DUSP8: variants seen among roughly 807,000 people sequenced by gnomAD.
DUSP8 encodes dual specificity protein phosphatase 8.
A neutral mutation model predicts 38.7 loss-of-function variants in DUSP8; 15 were observed. That is an observed-to-expected ratio of 0.39 (90% CI 0.26 to 0.60). The LOEUF (loss-of-function observed/expected upper bound fraction) is 0.60. Among genes scored for constraint, DUSP8 ranks in the 20% least tolerant of loss-of-function variants. The probability of loss-of-function intolerance (pLI) is 0.56; values close to 1 mark genes in which losing one functional copy is unlikely to be tolerated. For missense variants in DUSP8, 768 were observed against 915.0 expected, an observed-to-expected ratio of 0.84 and a Z score of 2.07; for synonymous variants, 458 against 433.9, an observed-to-expected ratio of 1.06 and a Z score of -0.69.
rs1848787830 is a variant in DUSP8 at position 1,565,534 on chromosome 11, G to T, written c.231+62C>A. ...AGAGGAGGGGGGTGCTGCCCGAGCT[G>T]AGGGCCCCTTAGCTGTGGACCCTGG... On this transcript the variant is annotated intron_variant, in intron 2 of 6. Transcript: ENST00000397374. The T allele has an allele frequency of 3.0e-6, 4 of 1,343,222 alleles. No homozygotes were observed. In the South Asian group the frequency reaches 3.9e-5, roughly 13 times the overall value. The allele number at this position is 1,343,222 out of a possible 1,614,324, so 83.2% of individuals were successfully genotyped here.
intron 2 of DUSP8, among the ~76,000 whole-genome samples, chr11:1,564,407 G>A (rs770519897): frequency 6.6e-6 from 1 of 152,230 alleles, no homozygotes; most frequent in Non-Finnish European, 1.5e-5. Flanking sequence ...ATGCCTTCGG[G>A]TGTGGGCTCT....
chr11:1,562,473 C>T (rs757272020), intron 3 of DUSP8, among the ~76,000 whole-genome samples: 12 of 152,170 alleles, frequency 7.9e-5, no homozygotes, highest in Admixed American at 7.9e-4. Flanking sequence ...GATCAGAGTG[C>T]GTCATTCTGT....
At chr11:1,564,069 G>T (rs1042212535) in intron 2 of DUSP8, 80 bp from the exon 3 acceptor site, 3 of 1,361,734 alleles carry the variant, frequency 2.2e-6, no homozygotes, top group Admixed American at 6.9e-5. Flanking sequence ...GCTGGCTCAA[G>T]GGAATAGTAA....
intron 1 of DUSP8, among the ~76,000 whole-genome samples, chr11:1,567,795 G>A (rs1164495914): frequency 2.6e-5 from 4 of 152,216 alleles, no homozygotes; most frequent in East Asian, 1.9e-4. Flanking sequence ...GGTGGGGAAC[G>A]AGGCCTGGGA....
Position 1,558,868 on chromosome 11 carries a change from C to G in DUSP8, c.537+21G>C, listed in dbSNP as rs776811249. On this transcript the variant is annotated intron_variant, in intron 4 of 6. Transcript: ENST00000397374. The surrounding 1 kb of genome is among the most constrained non-coding windows in gnomAD (Gnocchi z 6.3). ...TGCCCCTTTCCCATTGACCACCCCC[C>G]GAACTCCACTGCACACACACCTTGT... 7.6e-6 allele frequency: 12 copies of G among 1,583,816 alleles called. No individual in the cohort carries two copies. Among genetic ancestry groups the G allele is most frequent in the South Asian group, 2.3e-5 (2 of 88,776 alleles).
In DUSP8 at chr11:1,557,434, G is replaced by A. The variant is rs757936636; in HGVS notation, c.962C>T (p.Pro321Leu). Residue 321 changes from proline to leucine, a missense_variant, in exon 7 of 7, where the codon CCC (proline) becomes CTC (leucine). Physicochemically the swap from Pro to Leu is moderately conservative, Grantham distance 98. Coordinates refer to ENST00000397374, the MANE Select transcript of DUSP8 (RefSeq NM_004420.3). This position sits in a 1 kb window ranked among gnomAD's most constrained non-coding sequence, Gnocchi z 9.9. ...GTPSGTPEPP[P>L]SPAAGAPLPR... The stretch of plus-strand genomic sequence containing the variant: ...CAGCGGGGCCCCGGCGGCAGGACTG[G>A]GCGGAGGCTCCGGCGTCCCTGAGGG... The A allele has an allele frequency of 1.9e-6, 3 of 1,566,740 alleles. No homozygotes were observed. Among genetic ancestry groups the A allele is most frequent in the East Asian group, 2.3e-5 (1 of 43,184 alleles).
In DUSP8 at chr11:1,563,978, C is replaced by T. The variant is rs750795908; in HGVS notation, c.243G>A (p.Thr81=). The T allele has an allele frequency of 1.3e-5, 19 of 1,491,086 alleles. No individual in the cohort carries two copies. Among genetic ancestry groups the T allele is most frequent in the African/African-American group, 5.6e-5 (4 of 71,300 alleles). The allele number at this position is 1,491,086 out of a possible 1,614,324, so 92.4% of individuals were successfully genotyped here. A position where few individuals can be genotyped will look rare whatever the true frequency, so the allele number is the denominator to read the frequency against. Reference sequence around the variant, plus strand: ...CATAGACCACCACGTCCTGTGGCTCCGTAGCCTCCACCTGGGGGCCATGGG... The same window carrying T: ...CATAGACCACCACGTCCTGTGGCTCTGTAGCCTCCACCTGGGGGCCATGGG... ...QPAARSQVEA[T]EPQDVVVYDQ... The change falls in exon 3 of 7, where the codon ACG becomes ACA. Residue 81 remains threonine, a synonymous_variant. Coordinates refer to ENST00000397374, the MANE Select transcript of DUSP8 (RefSeq NM_004420.3).
chr11:1,554,491 G>T lies in DUSP8; in HGVS notation c.*2027C>A. The T allele has an allele frequency of 3.8e-6, 1 of 265,110 alleles. No homozygotes were observed. The allele number at this position is 265,110 out of a possible 1,614,324, so 16.4% of individuals were successfully genotyped here. A position where few individuals can be genotyped will look rare whatever the true frequency, so the allele number is the denominator to read the frequency against. On this transcript the variant is annotated 3_prime_UTR_variant, in exon 7 of 7. Coordinates refer to ENST00000397374, the MANE Select transcript of DUSP8 (RefSeq NM_004420.3). ...GTGGGGCCTCAGCCCGCCTCCTGCA[G>T]CACTGGAGGAGGCAGTGGCCAACAC...
rs553065358 is a variant in DUSP8 at position 1,569,339 on chromosome 11, C to G, written c.-109+2562G>C. Among the ~76,000 whole-genome samples the G allele has an allele frequency of 1.8e-4, 28 of 152,288 alleles. 1 individual carries two copies. The South Asian group carries it at 5.8e-3, about 32-fold the overall frequency. On this transcript the variant is annotated intron_variant, in intron 1 of 6. Coordinates refer to ENST00000397374, the MANE Select transcript of DUSP8 (RefSeq NM_004420.3). ...CGCCACCCTCCCCTGGGACACAGCA[C>G]GCCTGGCTCCAGTGCTGCGTGCACA...
chr11:1,556,891 G>A lies in DUSP8; in HGVS notation c.1505C>T (p.Pro502Leu), dbSNP rs933535334. The change falls in exon 7 of 7, where the codon CCG becomes CTG. Residue 502 changes from proline (P) to leucine (L), a missense_variant. Transcript: ENST00000397374. The surrounding 1 kb of genome is among the most constrained non-coding windows in gnomAD (Gnocchi z 5.2). ...SAPGLPGPGQPAGPGAWAPPL... is the reference protein window; with the variant it reads ...SAPGLPGPGQLAGPGAWAPPL... ...CGGTGCCCAGGCCCCGGGGCCGGCC[G>A]GCTGGCCAGGGCCGGGCAGCCCGGG... 1.1e-4 allele frequency: 125 copies of A among 1,093,206 alleles called. 1 individual carries two copies. The highest frequency in any genetic ancestry group is 8.0e-4 in the Middle Eastern group (2 of 2,500). The allele number at this position is 1,093,206 out of a possible 1,614,324, so 67.7% of individuals were successfully genotyped here.
intron 3 of DUSP8, among the ~76,000 whole-genome samples, chr11:1,562,594 C>T (rs181333010): frequency 8.5e-5 from 13 of 152,306 alleles, no homozygotes; most frequent in Non-Finnish European, 1.5e-4. Flanking sequence ...CATGCATATA[C>T]ACGTGCACAC....
chr11:1,565,098 G>A (rs1196988710), intron 2 of DUSP8, among the ~76,000 whole-genome samples: 3 of 152,212 alleles, frequency 2.0e-5, no homozygotes, highest in Admixed American at 2.0e-4. Flanking sequence ...TCTGCGGGCT[G>A]GGGGAAGCTG....
intron 1 of DUSP8, among the ~76,000 whole-genome samples, chr11:1,570,020 C>T (rs1181516598): frequency 6.6e-6 from 1 of 152,208 alleles, no homozygotes; most frequent in African/African-American, 2.4e-5. Context: ...GCTCCCTTGG[C>T]TAGTGCTGTA....
At chr11:1,569,237 C>T (rs1218259097) in intron 1 of DUSP8, among the ~76,000 whole-genome samples, 1 of 152,110 alleles carries the variant, frequency 6.6e-6, no homozygotes, top group African/African-American at 2.4e-5. Context: ...GTCTTTGAGC[C>T]CAGGAGGAAG....
In DUSP8 at chr11:1,556,411, T is replaced by C; in HGVS notation, c.*107A>G. The C allele has an allele frequency of 8.2e-7, 1 of 1,216,814 alleles. No individual in the cohort carries two copies. The highest frequency in any genetic ancestry group is 1.0e-6 in the Non-Finnish European group (1 of 975,044). The allele number at this position is 1,216,814 out of a possible 1,614,324, so 75.4% of individuals were successfully genotyped here. Reference sequence around the variant, plus strand: ...TAAATAAAAAATCGAAATATTTACTTCTCGATAAAAATCCCAGTAAAACCA... The same window carrying C: ...TAAATAAAAAATCGAAATATTTACTCCTCGATAAAAATCCCAGTAAAACCA... On this transcript the variant is annotated 3_prime_UTR_variant, in exon 7 of 7. Transcript: ENST00000397374. This position sits in a 1 kb window ranked among gnomAD's most constrained non-coding sequence, Gnocchi z 5.2.
upstream of DUSP8, among the ~76,000 whole-genome samples, chr11:1,572,318 T>A (rs945363305): frequency 5.5e-5 from 8 of 146,094 alleles, no homozygotes; most frequent in African/African-American, 1.3e-4. This position sits in a 1 kb window ranked among gnomAD's most constrained non-coding sequence, Gnocchi z 4.7. Flanking sequence ...GATGAGGTCA[T>A]GCCGAGCGAA....
Position 1,565,873 on chromosome 11 carries a change from G to A in DUSP8, c.-47C>T, listed in dbSNP as rs1848795537. 1 of 1,534,884 alleles carries A rather than the reference G, an allele frequency of 6.5e-7. No homozygotes were observed. Among genetic ancestry groups the A allele is most frequent in the Non-Finnish European group, 9.0e-7 (1 of 1,114,156 alleles). The stretch of plus-strand genomic sequence containing the variant: ...GAGGGTGACCCCTGAAGTGAGGAGG[G>A]GCTGCTCCGACGGCCCAGGTGTGGC... On this transcript the variant is annotated 5_prime_UTR_variant, in exon 2 of 7. Transcript: ENST00000397374.
Position 1,558,862 on chromosome 11 carries a change from A to AC in DUSP8, c.537+26dup, listed in dbSNP as rs757890252. 4 of 1,567,110 alleles carry AC rather than the reference A, an allele frequency of 2.6e-6. No homozygotes were observed. Among genetic ancestry groups the AC allele is most frequent in the Non-Finnish European group, 1.7e-6 (2 of 1,153,142 alleles). ...AGCTCCTGCCCCTTTCCCATTGACC[A>AC]CCCCCCGAACTCCACTGCACACACA... On this transcript the variant is annotated intron_variant, in intron 4 of 6. Coordinates refer to ENST00000397374, the MANE Select transcript of DUSP8 (RefSeq NM_004420.3). The surrounding 1 kb of genome is among the most constrained non-coding windows in gnomAD (Gnocchi z 6.3).
chr11:1,558,928 A>C lies in DUSP8; in HGVS notation c.498T>G (p.Pro166=), dbSNP rs1325665828. 3.1e-6 allele frequency: 5 copies of C among 1,612,832 alleles called. No homozygotes were observed. In the South Asian group the frequency reaches 5.5e-5, roughly 18 times the overall value. Residue 166 remains proline (P), a synonymous_variant, in exon 4 of 7, where the codon CCT becomes CCG. Coordinates refer to ENST00000397374, the MANE Select transcript of DUSP8 (RefSeq NM_004420.3). This position sits in a 1 kb window ranked among gnomAD's most constrained non-coding sequence, Gnocchi z 6.3. The part of the protein sequence containing the change: ...VPSVGLTRIL[P]HLYLGSQKDV... Reference sequence around the variant, plus strand: ...CCTTCTGCGAGCCCAGGTAGAGGTGAGGCAGGATGCGGGTCAGGCCCACGC... The same window carrying C: ...CCTTCTGCGAGCCCAGGTAGAGGTGCGGCAGGATGCGGGTCAGGCCCACGC...
Sources: gnomAD v4.1 joint callset for allele counts (sites outside exome capture counted in the v4.1 genomes callset) on GRCh38, gnomAD v4.1.1 for gene constraint, Gnocchi (gnomAD v3.1) non-coding constraint, MANE v1.5 for transcripts, NCBI Gene and HGNC (gene_info 2026-07-23, HGNC 2026-07-21) for gene names.